Variants in NEK10 observed in about 807,000 individuals in gnomAD.
The protein encoded by NEK10 is NIMA related kinase 10.
A neutral mutation model predicts 159.8 loss-of-function variants in NEK10; 122 were observed. The observed-to-expected ratio is 0.76, with a 90% CI of 0.66 to 0.89. The LOEUF (loss-of-function observed/expected upper bound fraction) is 0.89, where lower values mean the gene tolerates loss of function less well. Ranked by LOEUF, NEK10 falls within the 40% of genes least tolerant of loss-of-function variation. The pLI, the probability that NEK10 is intolerant of heterozygous loss-of-function variation, is 0.00. For synonymous variants in NEK10, 466 were observed against 457.1 expected, an observed-to-expected ratio of 1.02 and a Z score of -0.25; for missense variants, 1,342 against 1,323.1, an observed-to-expected ratio of 1.01 and a Z score of -0.22.
In NEK10 at chr3:27,312,586, G is replaced by A. The variant is rs1486501745; in HGVS notation, c.490-409C>T. Among the ~76,000 whole-genome samples the A allele has an allele frequency of 2.0e-5, 3 of 147,454 alleles. 1 individual carries two copies. The highest frequency in any genetic ancestry group is 4.1e-4 in the South Asian group (2 of 4,826). ...AATACATTGTATATATTTTACTGAC[G>A]TATATAAGCTCTGAATATATGTCTA... On this transcript the variant is annotated intron_variant, in intron 7 of 35. Coordinates refer to ENST00000691995, the MANE Select transcript of NEK10 (RefSeq NM_001394966.1).
chr3:27,299,692 AGCT>A (rs2043648352), intron 13 of NEK10, among the ~76,000 whole-genome samples: 1 of 152,244 alleles, frequency 6.6e-6, no homozygotes, highest in Non-Finnish European at 1.5e-5. Context: ...ACAGGGGCGG[AGCT>A]GCCCAAGATC....
Position 27,267,893 on chromosome 3 carries a change from C to T in NEK10, c.2015-11522G>A, listed in dbSNP as rs77416874. The stretch of plus-strand genomic sequence containing the variant: ...AGGCTGAAAGTTAGGCCTCTGGCAT[C>T]AAACAGCCATGTTGTAATGGAAAAG... On this transcript the variant is annotated intron_variant, in intron 22 of 35. Transcript: ENST00000691995. Among the ~76,000 whole-genome samples the T allele has an allele frequency of 5.2e-3, 787 of 152,270 alleles. 9 individuals carry two copies. The highest frequency in any genetic ancestry group is 0.018 in the African/African-American group (750 of 41,546).
chr3:27,285,402 T>TTCA (rs906255591), intron 20 of NEK10, among the ~76,000 whole-genome samples: 1 of 152,158 alleles, frequency 6.6e-6, no homozygotes, highest in Non-Finnish European at 1.5e-5. Context: ...ACTGTATTGT[T>TTCA]TCATAGTCTG....
At chr3:27,339,943 A>G (rs1310347761) in intron 5 of NEK10, among the ~76,000 whole-genome samples, 2 of 152,218 alleles carry the variant, frequency 1.3e-5, no homozygotes, top group African/African-American at 4.8e-5. Context: ...TATGGAGGAC[A>G]GCATGGTAAT....
rs1486203017 is a variant in NEK10 at position 27,291,320 on chromosome 3, A to G, written c.1547T>C (p.Ile516Thr). Residue 516 changes from isoleucine to threonine, a missense_variant, in exon 18 of 36, where the codon ATA (isoleucine) becomes ACA (threonine). Coordinates refer to ENST00000691995, the MANE Select transcript of NEK10 (RefSeq NM_001394966.1). ...ATGATCCAAAATTGCATAGTTGCCT[A>G]TATATTTCAAAGGAGCTTTGTTCTG... The part of the protein sequence containing the change: ...INQNKAPLKY[I>T]GNYAILDHLG... 6.8e-6 allele frequency: 11 copies of G among 1,613,496 alleles called. No individual in the cohort carries two copies. The highest frequency in any genetic ancestry group is 5.9e-6 in the Non-Finnish European group (7 of 1,179,620).
chr3:27,292,930 T>C (rs1320153535), intron 16 of NEK10, among the ~76,000 whole-genome samples: 1 of 152,180 alleles, frequency 6.6e-6, no homozygotes, highest in African/African-American at 2.4e-5. Context: ...AAAAATACTA[T>C]ATTAACTCAA....
intron 1 of NEK10, among the ~76,000 whole-genome samples, chr3:27,367,271 ATG>A (rs894011636): frequency 6.6e-6 from 1 of 152,232 alleles, no homozygotes; most frequent in Non-Finnish European, 1.5e-5. Flanking sequence ...GTAATTTGTT[ATG>A]TGTTACACAA....
At chr3:27,228,462 G>T (rs922773011) in intron 23 of NEK10, among the ~76,000 whole-genome samples, 1 of 151,798 alleles carries the variant, frequency 6.6e-6, no homozygotes, top group Non-Finnish European at 1.5e-5. Context: ...AGATGCTGTT[G>T]TTTTCTCCTT....
chr3:27,166,386 T>A (rs1224903008), intron 29 of NEK10, among the ~76,000 whole-genome samples: 1 of 150,878 alleles, frequency 6.6e-6, no homozygotes, highest in East Asian at 1.9e-4. Flanking sequence ...TGTTTTTTTG[T>A]TTGTTTGTTT....
At chr3:27,267,848 G>A (rs2041031758) in intron 22 of NEK10, among the ~76,000 whole-genome samples, 1 of 152,202 alleles carries the variant, frequency 6.6e-6, no homozygotes, top group Non-Finnish European at 1.5e-5. Context: ...TAGTGAGAAA[G>A]GCATGTCCAA....
At chr3:27,231,892 G>T (rs1176200092) in intron 23 of NEK10, among the ~76,000 whole-genome samples, 1 of 151,820 alleles carries the variant, frequency 6.6e-6, no homozygotes, top group Non-Finnish European at 1.5e-5. Flanking sequence ...ATTCTCAGCT[G>T]AATTCTACTA....
intron 5 of NEK10, 38 bp downstream of exon 5, chr3:27,344,234 C>G (rs1250421504): frequency 1.1e-6 from 1 of 947,832 alleles, no homozygotes; most frequent in Non-Finnish European, 1.7e-6. Context: ...ACATATGCCA[C>G]TCTTCAGTAA....
chr3:27,340,474 T>C (rs575163255), intron 5 of NEK10, among the ~76,000 whole-genome samples: 1 of 152,260 alleles, frequency 6.6e-6, no homozygotes, highest in Admixed American at 6.5e-5. Flanking sequence ...TGTATACCTA[T>C]GTAACAAACC....
At position 27,125,947 on chromosome 3, in the gene NEK10, C is replaced by T. The variant is rs552781386; in HGVS notation, c.3081+5933G>A. ...GAAGGTGATGTCAAGGAAGAGTGAA[C>T]GGTGGCTTGACCTGGCTGGGAAGGA... On this transcript the variant is annotated intron_variant, in intron 32 of 35. Coordinates refer to ENST00000691995, the MANE Select transcript of NEK10 (RefSeq NM_001394966.1). Among the ~76,000 whole-genome samples, 12 of 152,290 alleles carry T rather than the reference C, an allele frequency of 7.9e-5. No homozygotes were observed. In the South Asian group the frequency reaches 2.1e-3, roughly 26 times the overall value.
intron 23 of NEK10, among the ~76,000 whole-genome samples, chr3:27,209,398 G>C (rs1330264947): frequency 1.3e-5 from 2 of 152,142 alleles, no homozygotes; most frequent in Admixed American, 6.6e-5. Context: ...TAGCAAAGCA[G>C]GATGTTTATA....
At chr3:27,262,705 GCATTGATTATTCTAGTTAGC>G (rs2040525625) in intron 22 of NEK10, among the ~76,000 whole-genome samples, 1 of 152,062 alleles carries the variant, frequency 6.6e-6, no homozygotes, top group Non-Finnish European at 1.5e-5. Flanking sequence ...GGACTTCTCT[GCATTGATTATTCTAGTTAGC>G]CATTCATCTA....
rs1018406015 is a variant in NEK10 at position 27,282,389 on chromosome 3, A to G, written c.2014+2213T>C. ...ACTGCAATAAAAGATTAAGCTTAGT[A>G]CATTTAAATGTAATGAAAGGAAATG... On this transcript the variant is annotated intron_variant, in intron 22 of 35. Coordinates refer to ENST00000691995, the MANE Select transcript of NEK10 (RefSeq NM_001394966.1). 9.9e-5 allele frequency among the ~76,000 whole-genome samples: 15 copies of G among 151,970 alleles called. No homozygotes were observed. The East Asian group carries it at 2.7e-3, about 27-fold the overall frequency.
At chr3:27,170,639 G>A (rs1367964282) in intron 29 of NEK10, among the ~76,000 whole-genome samples, 1 of 152,104 alleles carries the variant, frequency 6.6e-6, no homozygotes, top group African/African-American at 2.4e-5. Flanking sequence ...GGCGGAGGCA[G>A]GAGAATCACT....
chr3:27,322,112 G>T (rs1359615331), intron 6 of NEK10, 65 bp downstream of exon 6: 11 of 813,858 alleles, frequency 1.4e-5, no homozygotes, highest in Non-Finnish European at 1.8e-5. Flanking sequence ...TCAAAGAAAA[G>T]CCCACCAGTC....
Sources: allele counts gnomAD v4.1 joint callset (sites outside exome capture counted in the v4.1 genomes callset), GRCh38; gene constraint gnomAD v4.1.1; transcripts MANE v1.5; gene names NCBI Gene and HGNC (gene_info 2026-07-23, HGNC 2026-07-21).